The following PKD2 variants were observed in gnomAD, a reference collection of about 807,000 sequenced individuals.
PKD2 encodes polycystin 2, transient receptor potential cation channel.
Under a neutral mutation model 105.9 loss-of-function variants are expected in PKD2, and 48 were observed. The observed-to-expected ratio is 0.45, with a 90% CI of 0.36 to 0.58. The LOEUF is 0.58. Ranked by LOEUF, PKD2 falls within the 20% of genes least tolerant of loss-of-function variation. The pLI is 0.00. For missense variants in PKD2, 1,078 were observed against 1,255.3 expected (o/e 0.86, Z 2.13); for synonymous variants, 464 against 481.1 (o/e 0.96, Z 0.46).
At position 88,023,692 on chromosome 4, in the gene PKD2, GA is replaced by G. The variant is rs538859434; in HGVS notation, c.709+4124del. ...TCCTCACTGGTAAAACAAGTATTTG[GA>G]AATATCATTGTGAAGATTAGAAATA... On this transcript the variant is annotated intron_variant, in intron 2 of 14. Coordinates refer to ENST00000237596, the MANE Select transcript of PKD2 (RefSeq NM_000297.4). 2.8e-3 allele frequency among the ~76,000 whole-genome samples: 429 copies of G among 152,272 alleles called. 2 individuals are homozygous for G. Among genetic ancestry groups the G allele is most frequent in the African/African-American group, 9.9e-3 (410 of 41,558 alleles).
At chr4:88,037,073 G>T (rs556457252) in intron 3 of PKD2, among the ~76,000 whole-genome samples, 1 of 152,216 alleles carries the variant, frequency 6.6e-6, no homozygotes, top group Admixed American at 6.5e-5. Flanking sequence ...CTCCAAAAAA[G>T]TTAAAGAATT....
chr4:88,073,525 C>CAA (rs913549091), intron 13 of PKD2, among the ~76,000 whole-genome samples: 32 of 131,178 alleles, frequency 2.4e-4, no homozygotes, highest in African/African-American at 7.9e-4. Flanking sequence ...GACTCTGTCT[C>CAA]AAAAAAAAAA....
Position 88,062,976 on chromosome 4 carries a change from A to G in PKD2, c.2118+972A>G, listed in dbSNP as rs150524303. 3.1e-3 allele frequency among the ~76,000 whole-genome samples: 477 copies of G among 152,290 alleles called. 4 individuals are homozygous for G. The highest frequency in any genetic ancestry group is 6.8e-3 in the Middle Eastern group (2 of 294). On this transcript the variant is annotated intron_variant, in intron 10 of 14. Coordinates refer to ENST00000237596, the MANE Select transcript of PKD2 (RefSeq NM_000297.4). ...GTTTTGTTATGTAACACCACCTTCA[A>G]CAACACAGTTCAAATTTCAGTTATC...
chr4:88,051,114 T>C (rs1720080668), intron 6 of PKD2, among the ~76,000 whole-genome samples: 1 of 152,200 alleles, frequency 6.6e-6, no homozygotes, highest in African/African-American at 2.4e-5. Flanking sequence ...GAGGGGGCAG[T>C]GTCCCCTTGG....
intron 2 of PKD2, among the ~76,000 whole-genome samples, chr4:88,030,379 C>T (rs1030751093): frequency 6.6e-6 from 1 of 152,142 alleles, no homozygotes; most frequent in Non-Finnish European, 1.5e-5. Context: ...TCAAGCGATC[C>T]TCCTGCAACA....
chr4:88,012,271 A>G (rs1377353996), intron 1 of PKD2, among the ~76,000 whole-genome samples: 2 of 152,194 alleles, frequency 1.3e-5, no homozygotes, highest in Non-Finnish European at 2.9e-5. Context: ...GAGGGCACTA[A>G]GCCTTCTAAA....
chr4:88,075,804 TG>T lies in PKD2; in HGVS notation c.*111del. 1.3e-6 allele frequency: 1 copy of T among 791,002 alleles called. No individual in the cohort carries two copies. The highest frequency in any genetic ancestry group is 1.7e-5 in the Admixed American group (1 of 58,548). 49.0% of individuals were successfully genotyped at this position (791,002 alleles called of 1,614,324 possible). A position where few individuals can be genotyped will look rare whatever the true frequency, so the allele number is the denominator to read the frequency against. ...CTGACCACCATAGGATGCTAGTCTT[TG>T]TGACCGATTGCTAATCTTCTGCACT... On this transcript the variant is annotated 3_prime_UTR_variant, in exon 15 of 15. Coordinates refer to ENST00000237596, the MANE Select transcript of PKD2 (RefSeq NM_000297.4).
chr4:88,075,427 C>T (rs745887441), intron 14 of PKD2, 31 bp from the exon 15 acceptor site: 2 of 1,506,150 alleles, frequency 1.3e-6, no homozygotes, highest in Non-Finnish European at 1.8e-6. Flanking sequence ...CTTCTACTGC[C>T]CCCAACACCA....
intron 8 of PKD2, among the ~76,000 whole-genome samples, chr4:88,057,518 C>T (rs1720403975): frequency 6.6e-6 from 1 of 151,298 alleles, no homozygotes; most frequent in African/African-American, 2.4e-5. Context: ...TCACTGCAAC[C>T]TCTGCCTCCC....
chr4:88,064,961 C>T (rs1297240275), intron 10 of PKD2, among the ~76,000 whole-genome samples: 1 of 151,986 alleles, frequency 6.6e-6, no homozygotes, highest in African/African-American at 2.4e-5. Flanking sequence ...TTTATACACA[C>T]TTAAGGAAAT....
At chr4:88,019,827 A>G (rs1450097341) in intron 2 of PKD2, among the ~76,000 whole-genome samples, 1 of 152,246 alleles carries the variant, frequency 6.6e-6, no homozygotes, top group Non-Finnish European at 1.5e-5. Flanking sequence ...TGCAGATGGC[A>G]ACAGAAGGCT....
chr4:88,053,366 A>G (rs1281529288), intron 7 of PKD2, among the ~76,000 whole-genome samples: 2 of 152,304 alleles, frequency 1.3e-5, no homozygotes, highest in South Asian at 4.1e-4. Context: ...GTTTATCACA[A>G]GACATAGACT....
At chr4:88,041,157 T>G (rs1422233416) in intron 4 of PKD2, among the ~76,000 whole-genome samples, 1 of 152,220 alleles carries the variant, frequency 6.6e-6, no homozygotes, top group East Asian at 1.9e-4. Flanking sequence ...TTAATGGCAC[T>G]GCCGTCTTCC....
At chr4:88,039,963 C>A (rs989379089) in intron 4 of PKD2, among the ~76,000 whole-genome samples, 1 of 152,136 alleles carries the variant, frequency 6.6e-6, no homozygotes, top group Non-Finnish European at 1.5e-5. Context: ...AGCATGCCTT[C>A]ATCTGTGGTA....
At chr4:88,060,890 A>G (rs1455442091) in intron 9 of PKD2, among the ~76,000 whole-genome samples, 1 of 152,232 alleles carries the variant, frequency 6.6e-6, no homozygotes, top group Non-Finnish European at 1.5e-5. Flanking sequence ...ACAAATATGT[A>G]AGGGAGATAC....
At chr4:88,009,209 T>C (rs1411416191) in intron 1 of PKD2, among the ~76,000 whole-genome samples, 5 of 152,206 alleles carry the variant, frequency 3.3e-5, no homozygotes, top group Non-Finnish European at 7.3e-5. Context: ...GAAATTCTCT[T>C]TTTACAAATT....
intron 10 of PKD2, among the ~76,000 whole-genome samples, chr4:88,064,263 G>T (rs1227652858): frequency 6.6e-6 from 1 of 152,230 alleles, no homozygotes; most frequent in Non-Finnish European, 1.5e-5. Context: ...AAAGTGTACA[G>T]TGTAATATTA....
intron 3 of PKD2, 106 bp downstream of exon 3, chr4:88,036,459 A>C (rs765782941): frequency 4.7e-5 from 74 of 1,560,656 alleles, no homozygotes; most frequent in Non-Finnish European, 6.3e-5. Flanking sequence ...TGCATTTAAC[A>C]CTGTGTGAGA....
chr4:88,011,394 A>G lies in PKD2; in HGVS notation c.595+3066A>G, dbSNP rs1388114561. Among the ~76,000 whole-genome samples, 5 of 151,706 alleles carry G rather than the reference A, an allele frequency of 3.3e-5. No individual in the cohort carries two copies. In the South Asian group the frequency reaches 8.3e-4, roughly 25 times the overall value. On this transcript the variant is annotated intron_variant, in intron 1 of 14. Transcript: ENST00000237596. ...GCAAGTCAGGGTGGGCTAAGCTGCTAAAACAGATACCTCCCTCCCCTTCAA... is the reference window on the plus strand; with the variant it reads ...GCAAGTCAGGGTGGGCTAAGCTGCTGAAACAGATACCTCCCTCCCCTTCAA...
Sources: gnomAD v4.1 joint callset for allele counts (sites outside exome capture counted in the v4.1 genomes callset) on GRCh38, gnomAD v4.1.1 for gene constraint, MANE v1.5 for transcripts, NCBI Gene and HGNC (gene_info 2026-07-23, HGNC 2026-07-21) for gene names.